Variants in ZFHX3 observed in about 807,000 individuals in gnomAD.
ZFHX3 encodes the protein zinc finger homeobox 3.
ZFHX3 carries 42 observed loss-of-function variants against 279.1 expected under a neutral mutation model. The observed-to-expected ratio is 0.15, with a 90% confidence interval of 0.12 to 0.19. ZFHX3 has a LOEUF of 0.19. Ranked by LOEUF, ZFHX3 falls within the 10% of genes least tolerant of loss-of-function variation. The pLI is 1.00. For synonymous variants in ZFHX3, 2,293 were observed against 1,957.8 expected, an observed-to-expected ratio of 1.17 and a Z score of -4.52; for missense variants, 4,981 against 4,754.0, an observed-to-expected ratio of 1.05 and a Z score of -1.40.
chr16:73,539,815 T>G (rs562794226), intron 2 of ZFHX3, among the ~76,000 whole-genome samples: 1 of 152,162 alleles, frequency 6.6e-6, no homozygotes, highest in Admixed American at 6.5e-5. Flanking sequence ...GCCCTCCAAA[T>G]GTTTTCGGCA....
At chr16:73,672,169 T>C (rs2052910305) in intron 2 of ZFHX3, among the ~76,000 whole-genome samples, 2 of 152,078 alleles carry the variant, frequency 1.3e-5, no homozygotes, top group Admixed American at 1.3e-4. Context: ...AAAAACACCA[T>C]CTATTATATA....
intron 2 of ZFHX3, among the ~76,000 whole-genome samples, chr16:73,595,893 A>G (rs1406586173): frequency 6.6e-6 from 1 of 151,956 alleles, no homozygotes; most frequent in Non-Finnish European, 1.5e-5. Context: ...GTAGATTATA[A>G]CTCTGAAGTG....
intron 2 of ZFHX3, among the ~76,000 whole-genome samples, chr16:73,585,398 G>A (rs1242282667): frequency 2.6e-5 from 4 of 152,170 alleles, no homozygotes; most frequent in Admixed American, 2.0e-4. Context: ...CCTGCCAACA[G>A]AGCGAGACAC....
chr16:73,848,326 T>C lies in ZFHX3; in HGVS notation c.-1608+43325A>G, dbSNP rs73603531. Among the ~76,000 whole-genome samples the C allele has an allele frequency of 1.9e-3, 289 of 152,184 alleles. 1 individual carries two copies. The highest frequency in any genetic ancestry group is 0.014 in the Middle Eastern group (4 of 294). ...TTTCCAGTCTTATTTTTTCCACTGGTCTATGCTCAGGACTGAACCTAGGCA... is the reference window on the plus strand; with the variant it reads ...TTTCCAGTCTTATTTTTTCCACTGGCCTATGCTCAGGACTGAACCTAGGCA... On this transcript the variant is annotated intron_variant, in intron 1 of 17. Coordinates refer to the ZFHX3 transcript ENST00000641206.
intron 5 of ZFHX3, among the ~76,000 whole-genome samples, chr16:73,178,792 A>T (rs1235095446): frequency 2.6e-5 from 4 of 152,174 alleles, no homozygotes; most frequent in Non-Finnish European, 5.9e-5. Flanking sequence ...GAAGCAATAT[A>T]ATATTTTAGA....
intron 3 of ZFHX3, among the ~76,000 whole-genome samples, chr16:73,433,952 C>T (rs2017953204): frequency 6.6e-6 from 1 of 152,182 alleles, no homozygotes; most frequent in African/African-American, 2.4e-5. Flanking sequence ...CCTTCAGACC[C>T]CACAGGTGGC....
chr16:73,089,599 T>C (rs1216448572), intron 8 of ZFHX3, among the ~76,000 whole-genome samples: 1 of 152,212 alleles, frequency 6.6e-6, no homozygotes, highest in Non-Finnish European at 1.5e-5. Context: ...CCATTGACCC[T>C]GCACTGACTG....
At chr16:73,152,831 G>A (rs1317086638) in intron 5 of ZFHX3, among the ~76,000 whole-genome samples, 3 of 151,560 alleles carry the variant, frequency 2.0e-5, no homozygotes, top group Non-Finnish European at 4.4e-5. Context: ...TGGGGGGAAG[G>A]GAGGGGAGTA....
intron 1 of ZFHX3, among the ~76,000 whole-genome samples, chr16:73,725,580 G>A: frequency 6.6e-6 from 1 of 151,846 alleles, no homozygotes; most frequent in Middle Eastern, 3.2e-3. Flanking sequence ...GGCTGAGGGA[G>A]GAATCAGGGA....
intron 2 of ZFHX3, among the ~76,000 whole-genome samples, chr16:73,469,450 A>G (rs1435096770): frequency 6.6e-6 from 1 of 152,084 alleles, no homozygotes; most frequent in Non-Finnish European, 1.5e-5. Flanking sequence ...ATGTACTGCC[A>G]TCTTGGATCT....
intron 2 of ZFHX3, among the ~76,000 whole-genome samples, chr16:73,467,131 C>T (rs1000904449): frequency 2.0e-5 from 3 of 152,110 alleles, no homozygotes; most frequent in African/African-American, 7.2e-5. Context: ...ACTGAGTGAT[C>T]TTTGCATCTC....
At chr16:73,015,778 G>T (rs933032365) in intron 1 of ZFHX3, 1 of 152,222 alleles carries the variant, frequency 6.6e-6, no homozygotes, top group Non-Finnish European at 1.5e-5. Context: ...CCGCCTCCGT[G>T]GTAGCCTGGG....
intron 5 of ZFHX3, among the ~76,000 whole-genome samples, chr16:73,238,994 T>C (rs565717121): frequency 6.6e-6 from 1 of 152,260 alleles, no homozygotes; most frequent in African/African-American, 2.4e-5. Flanking sequence ...TCCCACAGCA[T>C]GACTCCACTT....
At chr16:72,885,431 T>C (rs1331147888) in intron 4 of ZFHX3, among the ~76,000 whole-genome samples, 1 of 152,232 alleles carries the variant, frequency 6.6e-6, no homozygotes, top group African/African-American at 2.4e-5. Flanking sequence ...CAATTTCTTC[T>C]ACCTCGACTC....
At chr16:73,263,167 C>T (rs928594858) in intron 4 of ZFHX3, among the ~76,000 whole-genome samples, 1 of 151,496 alleles carries the variant, frequency 6.6e-6, no homozygotes, top group African/African-American at 2.4e-5. Flanking sequence ...AATGAAACTA[C>T]ATTTACAATT....
At chr16:72,920,651 CAA>C (rs2039562070) in intron 3 of ZFHX3, among the ~76,000 whole-genome samples, 1 of 150,472 alleles carries the variant, frequency 6.6e-6, no homozygotes, top group African/African-American at 2.5e-5. Flanking sequence ...GCCTGGGTGA[CAA>C]AAGTGAAAGT....
chr16:73,708,287 A>T (rs938678926), intron 1 of ZFHX3, among the ~76,000 whole-genome samples: 5 of 152,232 alleles, frequency 3.3e-5, no homozygotes, highest in Non-Finnish European at 7.3e-5. Flanking sequence ...TTAGTTGATT[A>T]TTCAATATTC....
chr16:73,273,042 C>T (rs1317034917), intron 4 of ZFHX3, among the ~76,000 whole-genome samples: 1 of 152,120 alleles, frequency 6.6e-6, no homozygotes, highest in Admixed American at 6.5e-5. Context: ...CCACCGTGCC[C>T]AGCCAAGGGT....
intron 2 of ZFHX3, among the ~76,000 whole-genome samples, chr16:73,491,069 CT>C (rs1197168185): frequency 6.6e-6 from 1 of 152,122 alleles, no homozygotes; most frequent in Admixed American, 6.6e-5. Flanking sequence ...GGTCACCCTG[CT>C]TTTTACACTA....
Sources: allele counts gnomAD v4.1 joint callset (sites outside exome capture counted in the v4.1 genomes callset), GRCh38; gene constraint gnomAD v4.1.1; transcripts MANE v1.5; gene names NCBI Gene and HGNC (gene_info 2026-07-23, HGNC 2026-07-21).